C14orf39: variants seen among roughly 807,000 people sequenced by gnomAD.
C14orf39 encodes the protein protein SIX6OS1.
Under a neutral mutation model 85.6 loss-of-function variants are expected in C14orf39, and 66 were observed. That is an observed-to-expected ratio of 0.77 (90% CI 0.63 to 0.95). The LOEUF is 0.95. Among genes scored for constraint, C14orf39 ranks in the 40% least tolerant of loss-of-function variants. The probability of loss-of-function intolerance (pLI) is 0.00; values close to 1 mark genes in which losing one functional copy is unlikely to be tolerated. For synonymous variants in C14orf39, 242 were observed against 214.0 expected (o/e 1.13, Z -1.14); for missense variants, 735 against 663.9 (o/e 1.11, Z -1.18).
chr14:60,467,939 AT>A lies in C14orf39; in HGVS notation c.767+505del, dbSNP rs397958662. On this transcript the variant is annotated intron_variant, in intron 9 of 17. Coordinates refer to ENST00000321731, the MANE Select transcript of C14orf39 (RefSeq NM_174978.3). ...ATATGATAACAGGCAAAGTCCATCTATTTTTTTTTTTGGCCTCTATCACTGA... is the reference window on the plus strand; with the variant it reads ...ATATGATAACAGGCAAAGTCCATCTATTTTTTTTTTGGCCTCTATCACTGA... 7.7e-3 allele frequency among the ~76,000 whole-genome samples: 1,128 copies of A among 146,708 alleles called. 13 individuals carry two copies. Among genetic ancestry groups the A allele is most frequent in the African/African-American group, 0.025 (994 of 40,398 alleles).
At chr14:60,489,870 C>T (rs962451618), upstream of C14orf39, among the ~76,000 whole-genome samples, 1 of 152,206 alleles carries the variant, frequency 6.6e-6, no homozygotes, top group African/African-American at 2.4e-5. Context: ...TCTAAACTCA[C>T]AGTCTCCCTC....
At chr14:60,488,100 CT>C (rs1311123402), upstream of C14orf39, among the ~76,000 whole-genome samples, 1 of 152,082 alleles carries the variant, frequency 6.6e-6, no homozygotes, top group Non-Finnish European at 1.5e-5. Context: ...TCTATTTTGT[CT>C]TACTGGCACT....
intron 14 of C14orf39, 83 bp from the exon 15 acceptor site, chr14:60,457,178 A>T: frequency 1.2e-6 from 1 of 833,514 alleles, no homozygotes; most frequent in Admixed American, 3.1e-5. Flanking sequence ...GGTGGAAAAT[A>T]CCTTATTAAT....
chr14:60,476,835 A>G (rs1032274002), intron 5 of C14orf39, among the ~76,000 whole-genome samples: 1 of 151,910 alleles, frequency 6.6e-6, no homozygotes, highest in Non-Finnish European at 1.5e-5. Context: ...AACCTCAGGA[A>G]AAGCCTCTAC....
intron 1 of C14orf39, among the ~76,000 whole-genome samples, chr14:60,514,044 T>C (rs979324872): frequency 6.6e-6 from 1 of 152,248 alleles, no homozygotes; most frequent in Non-Finnish European, 1.5e-5. Flanking sequence ...TAAATGTTTA[T>C]CTGTAATGTG....
chr14:60,508,930 C>CGA, intron 1 of C14orf39: 1 of 184,430 alleles, frequency 5.4e-6, no homozygotes, highest in Non-Finnish European at 1.1e-5. Flanking sequence ...CGCTGCCGCA[C>CGA]TCGCCTCTCT....
intron 4 of C14orf39, among the ~76,000 whole-genome samples, chr14:60,482,895 T>TGTGTGA (rs1359122140): frequency 6.6e-6 from 1 of 151,508 alleles, no homozygotes; most frequent in Admixed American, 6.6e-5. Context: ...TGTGTGTGTG[T>TGTGTGA]GTGTGTGTGT....
intron 4 of C14orf39, among the ~76,000 whole-genome samples, chr14:60,481,589 C>T (rs1002730455): frequency 1.3e-5 from 2 of 152,012 alleles, no homozygotes; most frequent in Non-Finnish European, 2.9e-5. Context: ...ACAGTGTATG[C>T]GAGTTGATAT....
chr14:60,442,131 A>G lies in C14orf39; in HGVS notation c.1504T>C (p.Phe502Leu). ...VFDTEISSDQ[F>L]NEHYSARNLN... is the part of the protein sequence containing the mutation. ...TTTCTTGCAGAATAATGTTCATTAA[A>G]CTGGAAAATAATTTCCATTAAATAT... The change falls in exon 17 of 18, where the codon TTT (phenylalanine) becomes CTT (leucine). Residue 502 changes from phenylalanine to leucine, a missense_variant and splice_region_variant. Physicochemically the swap from Phe to Leu is conservative, Grantham distance 22. Transcript: ENST00000321731. 6.3e-7 allele frequency: 1 copy of G among 1,585,680 alleles called. No homozygotes were observed. Among genetic ancestry groups the G allele is most frequent in the South Asian group, 1.1e-5 (1 of 90,218 alleles).
At chr14:60,481,455 G>A (rs917795797) in intron 4 of C14orf39, among the ~76,000 whole-genome samples, 6 of 152,132 alleles carry the variant, frequency 3.9e-5, no homozygotes, top group East Asian at 3.9e-4. Context: ...CCAGGAGTTC[G>A]AGACCAGCCT....
intron 16 of C14orf39, among the ~76,000 whole-genome samples, chr14:60,446,824 A>C (rs1313516939): frequency 6.6e-6 from 1 of 152,230 alleles, no homozygotes; most frequent in Non-Finnish European, 1.5e-5. Flanking sequence ...AATCCAATAC[A>C]GCAGCACATC....
At chr14:60,483,253 TTATG>T (rs1184301443) in intron 4 of C14orf39, among the ~76,000 whole-genome samples, 4 of 152,326 alleles carry the variant, frequency 2.6e-5, no homozygotes, top group African/African-American at 9.6e-5. Context: ...TTTGTTGTTT[TTATG>T]TATTTGTTTC....
At chr14:60,441,206 A>C (rs2140016555) in intron 17 of C14orf39, among the ~76,000 whole-genome samples, 1 of 152,284 alleles carries the variant, frequency 6.6e-6, no homozygotes, top group Non-Finnish European at 1.5e-5. Flanking sequence ...GCTATGAGTT[A>C]GCATACAGGC....
chr14:60,484,524 T>C lies in C14orf39; in HGVS notation c.106+357A>G, dbSNP rs1892794346. 1.3e-5 allele frequency among the ~76,000 whole-genome samples: 2 copies of C among 152,178 alleles called. No homozygotes were observed. Among genetic ancestry groups the C allele is most frequent in the Admixed American group, 1.3e-4 (2 of 15,276 alleles). On this transcript the variant is annotated intron_variant, in intron 3 of 17. Transcript: ENST00000321731. This position sits in a 1 kb window ranked among gnomAD's most constrained non-coding sequence, Gnocchi z 4.2. ...TTCCTGAAAATGTGGCATCTATCGA[T>C]TTTGATCCCTGATTTCTGGTGGTTT...
rs189508994 is a variant in C14orf39, at chr14:60,481,996, T to C, written c.233+1695A>G. 4.6e-5 allele frequency among the ~76,000 whole-genome samples: 7 copies of C among 152,350 alleles called. No homozygotes were observed. The East Asian group carries it at 1.3e-3, about 29-fold the overall frequency. Reference sequence around the variant, plus strand: ...TTTTGGTGACATATTTAGAAAGACCTTCCTCTCTCAAAGATTATATAGCAC... The same window carrying C: ...TTTTGGTGACATATTTAGAAAGACCCTCCTCTCTCAAAGATTATATAGCAC... On this transcript the variant is annotated intron_variant, in intron 4 of 17. Coordinates refer to ENST00000321731, the MANE Select transcript of C14orf39 (RefSeq NM_174978.3).
intron 17 of C14orf39, 113 bp downstream of exon 17, chr14:60,441,961 A>C: frequency 2.9e-6 from 2 of 690,984 alleles, no homozygotes; most frequent in Non-Finnish European, 5.1e-6. Context: ...GTGCAGAAGT[A>C]ACAGTAATTT....
intron 11 of C14orf39, among the ~76,000 whole-genome samples, chr14:60,463,018 T>G (rs1566666738): frequency 6.6e-6 from 1 of 152,144 alleles, no homozygotes; most frequent in Non-Finnish European, 1.5e-5. Context: ...GTATATACAT[T>G]TTTATTTGTA....
At chr14:60,485,289 CGTT>C (rs1473506130) in intron 1 of C14orf39, among the ~76,000 whole-genome samples, 12 of 152,168 alleles carry the variant, frequency 7.9e-5, no homozygotes, top group African/African-American at 2.4e-4. Flanking sequence ...CTTCAGAAAT[CGTT>C]GTTGAGTCGG....
intron 16 of C14orf39, among the ~76,000 whole-genome samples, chr14:60,446,700 G>A (rs1201192317): frequency 6.6e-6 from 1 of 152,166 alleles, no homozygotes; most frequent in Non-Finnish European, 1.5e-5. Context: ...CTCATTTTAT[G>A]AGGCCAGCAT....
Sources: gnomAD v4.1 joint callset for allele counts (sites outside exome capture counted in the v4.1 genomes callset) on GRCh38, gnomAD v4.1.1 for gene constraint, Gnocchi (gnomAD v3.1) non-coding constraint, MANE v1.5 for transcripts, NCBI Gene and HGNC (gene_info 2026-07-23, HGNC 2026-07-21) for gene names.